The following SELENOF variants were observed in gnomAD, a reference collection of about 807,000 sequenced individuals.
The protein encoded by SELENOF is selenoprotein F, also known as 15 kDa selenoprotein.
SELENOF carries 16 observed loss-of-function variants against 20.5 expected under a neutral mutation model. The observed-to-expected ratio is 0.78, with a 90% confidence interval of 0.53 to 1.19. The LOEUF (loss-of-function observed/expected upper bound fraction) is 1.19. Ranked by LOEUF, SELENOF falls within the 50% of genes most tolerant of loss-of-function variation. SELENOF has a pLI of 0.00. For missense variants in SELENOF, 215 were observed against 194.2 expected (o/e 1.11, Z -0.64); for synonymous variants, 78 against 74.5 (o/e 1.05, Z -0.24).
chr1:86,891,150 A>G (rs1356119834), intron 2 of SELENOF, among the ~76,000 whole-genome samples: 3 of 151,666 alleles, frequency 2.0e-5, no homozygotes, highest in Non-Finnish European at 4.4e-5. Context: ...CCTGGGTTCA[A>G]GCGATTCTCC....
At chr1:86,883,762 T>G (rs1381853104) in intron 2 of SELENOF, among the ~76,000 whole-genome samples, 2 of 152,134 alleles carry the variant, frequency 1.3e-5, no homozygotes, top group Non-Finnish European at 2.9e-5. Context: ...GAAGCAGCTT[T>G]TAAATGGGCA....
intron 3 of SELENOF, among the ~76,000 whole-genome samples, chr1:86,875,380 G>C (rs907951688): frequency 1.3e-5 from 2 of 152,098 alleles, no homozygotes; most frequent in African/African-American, 2.4e-5. Flanking sequence ...AAGACTGGAG[G>C]TACAAAATGA....
intron 2 of SELENOF, among the ~76,000 whole-genome samples, chr1:86,892,502 T>C (rs112845331): frequency 5.1e-4 from 77 of 152,330 alleles, no homozygotes; most frequent in African/African-American, 1.7e-3. Context: ...TTCACGCAGT[T>C]AGCTTAACCT....
At chr1:86,898,637 A>G (rs1416784277) in intron 2 of SELENOF, among the ~76,000 whole-genome samples, 5 of 141,132 alleles carry the variant, frequency 3.5e-5, no homozygotes, top group Admixed American at 7.4e-5. Flanking sequence ...GTTGGAGTGC[A>G]GTGGTGCGAT....
At chr1:86,871,550 A>G (rs1387153182) in intron 3 of SELENOF, among the ~76,000 whole-genome samples, 1 of 152,242 alleles carries the variant, frequency 6.6e-6, no homozygotes, top group African/African-American at 2.4e-5. Context: ...CTGAAAAAGT[A>G]TAATAAAAAT....
intron 4 of SELENOF, among the ~76,000 whole-genome samples, chr1:86,867,523 AC>A (rs1362212680): frequency 2.0e-5 from 3 of 151,664 alleles, no homozygotes; most frequent in Admixed American, 2.0e-4. Context: ...AACAACAACA[AC>A]AACAAATCAG....
chr1:86,863,957 G>A (rs1281762540), intron 4 of SELENOF, among the ~76,000 whole-genome samples: 1 of 152,154 alleles, frequency 6.6e-6, no homozygotes, highest in Admixed American at 6.6e-5. Flanking sequence ...AGAAGCAAGT[G>A]AAATTACTTT....
chr1:86,913,452 T>G (rs1009142529), intron 1 of SELENOF, among the ~76,000 whole-genome samples: 1 of 152,246 alleles, frequency 6.6e-6, no homozygotes, highest in Non-Finnish European at 1.5e-5. Context: ...AAAAATGAAT[T>G]ATACTTTGGT....
chr1:86,914,078 G>C lies in SELENOF; in HGVS notation c.34C>G (p.Leu12Val). 1.9e-6 allele frequency: 3 copies of C among 1,613,928 alleles called. No individual in the cohort carries two copies. The highest frequency in any genetic ancestry group is 2.5e-6 in the Non-Finnish European group (3 of 1,179,866). Reference protein sequence around the residue: ...VAMAAGPSGCLVPAFGLRLLL... With the variant: ...VAMAAGPSGCVVPAFGLRLLL... ...AACCGTAGCCCAAACGCCGGCACCA[G>C]ACACCCACTCGGCCCAGCCGCCATC... is the stretch of plus-strand genomic sequence containing the variant. The change falls in exon 1 of 5, where the codon CTG becomes GTG. Residue 12 changes from leucine (L) to valine (V), a missense_variant. Coordinates refer to ENST00000331835, the MANE Select transcript of SELENOF (RefSeq NM_004261.5).
Position 86,893,826 on chromosome 1 carries a change from G to A in SELENOF, c.252+9455C>T, listed in dbSNP as rs183577729. On this transcript the variant is annotated intron_variant, in intron 2 of 4. Coordinates refer to ENST00000331835, the MANE Select transcript of SELENOF (RefSeq NM_004261.5). Reference sequence around the variant, plus strand: ...AATGATAATGCTACTATATAAAGCAGGTGACTTAAATTAGTCTAGTTCCAA... The same window carrying A: ...AATGATAATGCTACTATATAAAGCAAGTGACTTAAATTAGTCTAGTTCCAA... Among the ~76,000 whole-genome samples, 27 of 152,286 alleles carry A rather than the reference G, an allele frequency of 1.8e-4. No individual in the cohort carries two copies. In the East Asian group the frequency reaches 5.2e-3, roughly 29 times the overall value.
chr1:86,903,953 C>T (rs1659768166), intron 1 of SELENOF, among the ~76,000 whole-genome samples: 5 of 152,044 alleles, frequency 3.3e-5, no homozygotes, highest in South Asian at 4.1e-4. Flanking sequence ...AGCTTTTTTT[C>T]TTAAACATCC....
chr1:86,882,270 A>C (rs1024196808), intron 2 of SELENOF, among the ~76,000 whole-genome samples: 2 of 147,082 alleles, frequency 1.4e-5, no homozygotes, highest in African/African-American at 5.1e-5. Context: ...AAAAAAAAAA[A>C]AGAAAGAAAG....
At chr1:86,874,641 T>C (rs546510992) in intron 3 of SELENOF, among the ~76,000 whole-genome samples, 3 of 151,848 alleles carry the variant, frequency 2.0e-5, no homozygotes, top group Middle Eastern at 3.4e-3. Flanking sequence ...AAAGAGGGTA[T>C]ATGTGGAAAT....
At chr1:86,875,747 T>C (rs559112330) in intron 3 of SELENOF, among the ~76,000 whole-genome samples, 1 of 152,294 alleles carries the variant, frequency 6.6e-6, no homozygotes, top group East Asian at 1.9e-4. Context: ...GGAGGTGTTA[T>C]GGAACATAAA....
chr1:86,880,788 A>C, intron 2 of SELENOF, 63 bp from the exon 3 acceptor site: 1 of 1,079,754 alleles, frequency 9.3e-7, no homozygotes, highest in Non-Finnish European at 1.3e-6. Context: ...TTATAAAATA[A>C]ATATAAATTT....
At chr1:86,910,311 T>G (rs1004000678) in intron 1 of SELENOF, among the ~76,000 whole-genome samples, 2 of 152,232 alleles carry the variant, frequency 1.3e-5, no homozygotes, top group Admixed American at 6.5e-5. Context: ...GGTGTGGCTG[T>G]GGCTGATCAC....
In SELENOF at chr1:86,898,104, T is replaced by C. The variant is rs558732008; in HGVS notation, c.252+5177A>G. On this transcript the variant is annotated intron_variant, in intron 2 of 4. Coordinates refer to ENST00000331835, the MANE Select transcript of SELENOF (RefSeq NM_004261.5). The stretch of plus-strand genomic sequence containing the variant: ...TTTTGTTTCATTAGTTTACATTTTC[T>C]TCAAGCTACAAATTAGTTATGATTT... Among the ~76,000 whole-genome samples, 42 of 152,364 alleles carry C rather than the reference T, an allele frequency of 2.8e-4. No individual in the cohort carries two copies. The South Asian group carries it at 5.6e-3, about 20-fold the overall frequency.
chr1:86,908,913 T>C (rs533124939), intron 1 of SELENOF, among the ~76,000 whole-genome samples: 1 of 152,380 alleles, frequency 6.6e-6, no homozygotes, highest in Admixed American at 6.5e-5. Flanking sequence ...AATCACTTTA[T>C]ATCCAGTTGT....
chr1:86,875,103 T>TG (rs1658889518), intron 3 of SELENOF, among the ~76,000 whole-genome samples: 1 of 152,008 alleles, frequency 6.6e-6, no homozygotes, highest in African/African-American at 2.4e-5. Flanking sequence ...TAGCTGGGTG[T>TG]GGTGGCGCAT....
Sources: gnomAD v4.1 joint callset for allele counts (sites outside exome capture counted in the v4.1 genomes callset) on GRCh38, gnomAD v4.1.1 for gene constraint, MANE v1.5 for transcripts, NCBI Gene and HGNC (gene_info 2026-07-23, HGNC 2026-07-21) for gene names.